Variants in PTPRQ observed in about 807,000 individuals in gnomAD.
PTPRQ encodes the protein phosphatidylinositol phosphatase PTPRQ.
In PTPRQ, 199 loss-of-function variants were observed where a neutral mutation model predicts 246.0. That is an observed-to-expected ratio of 0.81 (90% CI 0.72 to 0.91). The LOEUF is 0.91. Among genes scored for constraint, PTPRQ ranks in the 40% least tolerant of loss-of-function variants. The pLI, the probability that PTPRQ is intolerant of heterozygous loss-of-function variation, is 0.00. For missense variants in PTPRQ, 2,624 were observed against 2,528.4 expected, an observed-to-expected ratio of 1.04 and a Z score of -0.81; for synonymous variants, 869 against 853.2, an observed-to-expected ratio of 1.02 and a Z score of -0.32.
chr12:80,494,369 C>G (rs1338939784), intron 10 of PTPRQ, among the ~76,000 whole-genome samples: 1 of 151,984 alleles, frequency 6.6e-6, no homozygotes, highest in African/African-American at 2.4e-5. Flanking sequence ...GTCAGTTATC[C>G]AAGCATGCTT....
At position 80,496,112 on chromosome 12, in the gene PTPRQ, A is replaced by C; in HGVS notation, c.1990+6A>C. 1 of 1,544,366 alleles carries C rather than the reference A, an allele frequency of 6.5e-7. No homozygotes were observed. The highest frequency in any genetic ancestry group is 1.2e-5 in the South Asian group (1 of 82,150). On this transcript the variant is annotated splice_donor_region_variant and intron_variant, in intron 13 of 44. Coordinates refer to ENST00000644991, the MANE Select transcript of PTPRQ (RefSeq NM_001145026.2). ...TGTGAGAACTTCAGAAGATGGTAAG[A>C]ATATCAATTGCAGCTTTAATTTTTT...
chr12:80,490,629 G>T (rs1376853352), intron 9 of PTPRQ, among the ~76,000 whole-genome samples: 2 of 151,922 alleles, frequency 1.3e-5, no homozygotes, highest in Non-Finnish European at 2.9e-5. Context: ...CTGGGGGCCA[G>T]GGAAGCTGCT....
Position 80,472,224 on chromosome 12 carries a change from A to G in PTPRQ, c.1159A>G (p.Asn387Asp), listed in dbSNP as rs76334533. The change falls in exon 8 of 45, where the codon AAT becomes GAT. Residue 387 changes from asparagine (N) to aspartate (D), a missense_variant. Coordinates refer to ENST00000644991, the MANE Select transcript of PTPRQ (RefSeq NM_001145026.2). ...CAGTGCAGGGACTGGGCCCAAGTCA[A>G]ATATTTCAGTATTCACTCCACCAGA... ...ETSAGTGPKS[N>D]ISVFTPPDVP... 2 of 1,551,520 alleles carry G rather than the reference A, an allele frequency of 1.3e-6. No homozygotes were observed. Among genetic ancestry groups the G allele is most frequent in the Non-Finnish European group, 8.7e-7 (1 of 1,146,924 alleles).
intron 27 of PTPRQ, among the ~76,000 whole-genome samples, chr12:80,609,677 T>G (rs1898475725): frequency 6.6e-6 from 1 of 150,554 alleles, no homozygotes; most frequent in African/African-American, 2.4e-5. Context: ...CATCCACAAT[T>G]AATTACTATC....
chr12:80,638,674 C>A lies in PTPRQ; in HGVS notation c.5915+3601C>A, dbSNP rs576973250. Among the ~76,000 whole-genome samples the A allele has an allele frequency of 2.2e-4, 33 of 152,212 alleles. No individual in the cohort carries two copies. In the South Asian group the frequency reaches 6.4e-3, roughly 30 times the overall value. Reference sequence around the variant, plus strand: ...TTATGCTCCACTTTGTTTCACAAAACTTTTGAAAATGCCTTCTCTCACTCT... The same window carrying A: ...TTATGCTCCACTTTGTTTCACAAAAATTTTGAAAATGCCTTCTCTCACTCT... On this transcript the variant is annotated intron_variant, in intron 35 of 44. Coordinates refer to ENST00000644991, the MANE Select transcript of PTPRQ (RefSeq NM_001145026.2).
chr12:80,658,902 G>A (rs1477001260), intron 39 of PTPRQ, among the ~76,000 whole-genome samples: 1 of 151,912 alleles, frequency 6.6e-6, no homozygotes, highest in Non-Finnish European at 1.5e-5. Flanking sequence ...TAAGGCTCTT[G>A]TTATATGACG....
rs1056399357 is a variant in PTPRQ at position 80,550,783 on chromosome 12, A to G, written c.4285+1049A>G. Among the ~76,000 whole-genome samples, 3 of 152,086 alleles carry G rather than the reference A, an allele frequency of 2.0e-5. No individual in the cohort carries two copies. The East Asian group carries it at 5.8e-4, about 29-fold the overall frequency. On this transcript the variant is annotated intron_variant, in intron 25 of 44. Coordinates refer to ENST00000644991, the MANE Select transcript of PTPRQ (RefSeq NM_001145026.2). ...TGTCCCAGCTGCTCCAAAATTTTCT[A>G]TGTATCCCTTGTTTATTCTTCATAG...
At chr12:80,627,393 AGAG>A (rs200600955) in intron 33 of PTPRQ, among the ~76,000 whole-genome samples, 2,265 of 149,308 alleles carry the variant, frequency 0.015, 49 homozygotes, top group African/African-American at 0.052. Flanking sequence ...AGAAGGAGGA[AGAG>A]GAGGAGGAGG....
intron 25 of PTPRQ, among the ~76,000 whole-genome samples, chr12:80,568,811 T>G (rs1207202378): frequency 6.6e-6 from 1 of 152,358 alleles, no homozygotes; most frequent in Non-Finnish European, 1.5e-5. Context: ...TTGAACAAAG[T>G]GATGTCACTG....
At chr12:80,522,527 A>G (rs112028441) in intron 17 of PTPRQ, among the ~76,000 whole-genome samples, 136,155 of 151,828 alleles carry the variant, frequency 0.9, 61,634 homozygotes, top group Non-Finnish European at 0.93. Flanking sequence ...ATTATTTTGA[A>G]ATACGTCCCA....
chr12:80,661,214 AAT>A (rs141985379), intron 39 of PTPRQ, among the ~76,000 whole-genome samples: 30,815 of 150,062 alleles, frequency 0.21, 5,162 homozygotes, highest in African/African-American at 0.45. Context: ...AAAAGGAAAA[AAT>A]ATATATATAT....
At chr12:80,603,726 C>T (rs1898217817) in intron 26 of PTPRQ, among the ~76,000 whole-genome samples, 1 of 151,452 alleles carries the variant, frequency 6.6e-6, no homozygotes, top group Admixed American at 6.6e-5. Flanking sequence ...CCCCTTATCA[C>T]AGAAGTGCCC....
At chr12:80,670,747 A>T (rs1900943374) in intron 42 of PTPRQ, among the ~76,000 whole-genome samples, 1 of 152,106 alleles carries the variant, frequency 6.6e-6, no homozygotes, top group African/African-American at 2.4e-5. Flanking sequence ...AATTCTACTT[A>T]AATGAGATAC....
At chr12:80,489,547 G>C (rs1479341953) in intron 9 of PTPRQ, among the ~76,000 whole-genome samples, 2 of 151,950 alleles carry the variant, frequency 1.3e-5, no homozygotes, top group Non-Finnish European at 2.9e-5. Flanking sequence ...GTTTTTATTA[G>C]TCATGGCTTC....
intron 36 of PTPRQ, among the ~76,000 whole-genome samples, chr12:80,649,241 A>G (rs988438302): frequency 3.3e-5 from 5 of 152,164 alleles, no homozygotes; most frequent in Non-Finnish European, 7.4e-5. Flanking sequence ...CTTGTAATGT[A>G]TAAAATGTTT....
intron 14 of PTPRQ, among the ~76,000 whole-genome samples, chr12:80,500,300 T>C (rs1232392278): frequency 1.3e-5 from 2 of 152,032 alleles, no homozygotes; most frequent in African/African-American, 4.8e-5. Context: ...ATTTCTATAA[T>C]TCGGGGACAC....
In PTPRQ at chr12:80,679,923, T is replaced by G. The variant is rs554937745; in HGVS notation, c.*900T>G. The G allele has an allele frequency of 6.6e-6, 1 of 151,968 alleles. No homozygotes were observed. Among genetic ancestry groups the G allele is most frequent in the East Asian group, 1.9e-4 (1 of 5,154 alleles). 9.4% of individuals were successfully genotyped at this position (151,968 alleles called of 1,614,324 possible). A position where few individuals can be genotyped will look rare whatever the true frequency, so the allele number is the denominator to read the frequency against. ...TCAAGCTTGTAAACCAATGATGTGC[T>G]GCTGTGGTGCCAACAGAGACTTCCA... On this transcript the variant is annotated 3_prime_UTR_variant, in exon 45 of 45. Coordinates refer to ENST00000644991, the MANE Select transcript of PTPRQ (RefSeq NM_001145026.2).
intron 23 of PTPRQ, 130 bp downstream of exon 23, chr12:80,543,011 A>G: frequency 3.0e-6 from 2 of 675,730 alleles, no homozygotes; most frequent in Non-Finnish European, 4.5e-6. Flanking sequence ...TTTATTTCCT[A>G]CAATTTAAGG....
chr12:80,506,123 A>C lies in PTPRQ; in HGVS notation c.2372A>C (p.Gln791Pro). The C allele has an allele frequency of 6.5e-7, 1 of 1,540,404 alleles. No individual in the cohort carries two copies. The highest frequency in any genetic ancestry group is 8.8e-7 in the Non-Finnish European group (1 of 1,142,838). ...CCAAGTAGTCCCAATGGAATCATACAAAAATATACAATTTATCTCAAGAGA... is the reference window on the plus strand; with the variant it reads ...CCAAGTAGTCCCAATGGAATCATACCAAAATATACAATTTATCTCAAGAGA... ...LPPSSPNGIIQKYTIYLKRSN... is the reference protein window; with the variant it reads ...LPPSSPNGIIPKYTIYLKRSN... Residue 791 changes from glutamine to proline, a missense_variant, in exon 15 of 45, where the codon CAA (glutamine) becomes CCA (proline). Transcript: ENST00000644991.
Sources: gnomAD v4.1 joint callset for allele counts (sites outside exome capture counted in the v4.1 genomes callset) on GRCh38, gnomAD v4.1.1 for gene constraint, MANE v1.5 for transcripts, NCBI Gene and HGNC (gene_info 2026-07-23, HGNC 2026-07-21) for gene names.